The following ZNF385D variants were observed in gnomAD, a reference collection of about 807,000 sequenced individuals.
ZNF385D encodes zinc finger protein 385D.
Under a neutral mutation model 35.8 loss-of-function variants are expected in ZNF385D, and 15 were observed. The ratio of observed to expected loss-of-function variants is 0.42; its 90% CI spans 0.28 to 0.64. ZNF385D has a LOEUF of 0.64. ZNF385D is among the 30% of genes least tolerant of loss of function. ZNF385D has a pLI of 0.23. For missense variants in ZNF385D, 474 were observed against 494.6 expected, an observed-to-expected ratio of 0.96 and a Z score of 0.39; for synonymous variants, 212 against 186.8, an observed-to-expected ratio of 1.13 and a Z score of -1.10.
intron 3 of ZNF385D, among the ~76,000 whole-genome samples, chr3:22,059,867 AT>A (rs1175552943): frequency 6.6e-6 from 1 of 152,176 alleles, no homozygotes; most frequent in Non-Finnish European, 1.5e-5. Context: ...GAAGATTAGC[AT>A]TTGACTCAGT....
At chr3:21,505,190 T>G (rs923035602) in intron 4 of ZNF385D, among the ~76,000 whole-genome samples, 25 of 152,136 alleles carry the variant, frequency 1.6e-4, no homozygotes, top group African/African-American at 4.6e-4. Flanking sequence ...ATTTGTTTGT[T>G]TGTTTTTTGA....
chr3:22,279,825 T>C (rs952327167), intron 2 of ZNF385D, among the ~76,000 whole-genome samples: 2 of 151,992 alleles, frequency 1.3e-5, no homozygotes, highest in African/African-American at 2.4e-5. Context: ...CTGGATCAAA[T>C]GGCAGATCTA....
At chr3:21,803,209 G>C (rs542481687) in intron 3 of ZNF385D, among the ~76,000 whole-genome samples, 1 of 152,146 alleles carries the variant, frequency 6.6e-6, no homozygotes, top group Non-Finnish European at 1.5e-5. Context: ...ATCACAGAGA[G>C]TGGCAGGTAT....
chr3:21,594,091 C>G (rs1161632960), intron 2 of ZNF385D, among the ~76,000 whole-genome samples: 1 of 152,188 alleles, frequency 6.6e-6, no homozygotes, highest in Non-Finnish European at 1.5e-5. Flanking sequence ...AGGCAAGAAG[C>G]AACTCTAGCA....
At chr3:22,277,912 A>G (rs1559494323) in intron 2 of ZNF385D, among the ~76,000 whole-genome samples, 1 of 152,076 alleles carries the variant, frequency 6.6e-6, no homozygotes, top group Non-Finnish European at 1.5e-5. Context: ...TTGTGGATAA[A>G]GTACCAAAAA....
At position 21,631,296 on chromosome 3, in the gene ZNF385D, A is replaced by G. The variant is rs533009858; in HGVS notation, c.165+33590T>C. On this transcript the variant is annotated intron_variant, in intron 2 of 7. Transcript: ENST00000281523. ...TTCTCCTCTCCTACCCTTCCAAGGC[A>G]TGTCAACCCTAAACTACCTTATAGC... Among the ~76,000 whole-genome samples the G allele has an allele frequency of 2.0e-5, 3 of 152,140 alleles. No individual in the cohort carries two copies. In the South Asian group the frequency reaches 6.2e-4, roughly 32 times the overall value.
chr3:22,360,863 G>A (rs542616547), intron 2 of ZNF385D, among the ~76,000 whole-genome samples: 27 of 152,076 alleles, frequency 1.8e-4, no homozygotes, highest in East Asian at 3.9e-4. Context: ...TAATCGGGGC[G>A]ATCACTCAGT....
chr3:22,353,135 C>T (rs1359053075), intron 2 of ZNF385D, among the ~76,000 whole-genome samples: 2 of 152,200 alleles, frequency 1.3e-5, no homozygotes, highest in South Asian at 2.1e-4. Context: ...CCACCTCAAG[C>T]AAATTTCTGG....
chr3:22,213,945 C>G lies in ZNF385D; in HGVS notation c.107-44910G>C, dbSNP rs1697689198. ...AGCAATAAAATTTAGTTTATTGAGT[C>G]AGAATTTCCAATTAGTAAAGACCTA... On this transcript the variant is annotated intron_variant, in intron 2 of 5. Coordinates refer to the ZNF385D transcript ENST00000494108. Among the ~76,000 whole-genome samples, 6 of 152,122 alleles carry G rather than the reference C, an allele frequency of 3.9e-5. No homozygotes were observed. The South Asian group carries it at 1.2e-3, about 32-fold the overall frequency.
chr3:22,127,638 C>T (rs115108968), intron 3 of ZNF385D, among the ~76,000 whole-genome samples: 3,511 of 152,056 alleles, frequency 0.023, 73 homozygotes, highest in Non-Finnish European at 0.031. Flanking sequence ...CCGTGCCTGG[C>T]CCTAAATGTT....
Position 22,056,274 on chromosome 3 carries a change from TAAAAAAAAAAAAAAAAA to T in ZNF385D, c.325+112526_325+112542del, listed in dbSNP as rs1180609438. ...ATGTACCCTAAAACTTAGAGTATAATAAAAAAAAAAAAAAAAAAAAAAAAAAAAAAAAAATTCAATGT... is the reference window on the plus strand; with the variant it reads ...ATGTACCCTAAAACTTAGAGTATAATAAAAAAAAAAAAAAAAATTCAATGT... On this transcript the variant is annotated intron_variant, in intron 3 of 5. Coordinates refer to the ZNF385D transcript ENST00000494108. 3.1e-5 allele frequency among the ~76,000 whole-genome samples: 2 copies of T among 64,800 alleles called. 1 individual carries two copies. Among genetic ancestry groups the T allele is most frequent in the Non-Finnish European group, 6.8e-5 (2 of 29,526 alleles). 42.5% of individuals were successfully genotyped at this position (64,800 alleles called of 152,430 possible).
intron 3 of ZNF385D, among the ~76,000 whole-genome samples, chr3:21,814,167 A>C (rs898029553): frequency 2.0e-5 from 3 of 152,222 alleles, no homozygotes; most frequent in Non-Finnish European, 2.9e-5. Context: ...TTTGTCACCA[A>C]CAGGCCTGTC....
At chr3:21,838,001 G>C (rs955782676) in intron 3 of ZNF385D, among the ~76,000 whole-genome samples, 3 of 152,044 alleles carry the variant, frequency 2.0e-5, no homozygotes, top group Non-Finnish European at 4.4e-5. Flanking sequence ...ACTTCTCTCA[G>C]GGTTTGTGGA....
At chr3:21,445,383 C>G (rs1702092767) in intron 4 of ZNF385D, among the ~76,000 whole-genome samples, 1 of 152,182 alleles carries the variant, frequency 6.6e-6, no homozygotes, top group South Asian at 2.1e-4. Context: ...CCTCAGAATA[C>G]AAGCTCTCTA....
chr3:21,908,205 A>G (rs1229419876), intron 3 of ZNF385D, among the ~76,000 whole-genome samples: 1 of 151,226 alleles, frequency 6.6e-6, no homozygotes, highest in Non-Finnish European at 1.5e-5. Context: ...GAACAGGAAA[A>G]GAAAGATGAG....
chr3:21,445,116 A>G (rs1198353414), intron 4 of ZNF385D, among the ~76,000 whole-genome samples: 1 of 152,222 alleles, frequency 6.6e-6, no homozygotes, highest in African/African-American at 2.4e-5. Flanking sequence ...GACCTACTTT[A>G]TATCTTCAAC....
intron 4 of ZNF385D, among the ~76,000 whole-genome samples, chr3:21,439,154 T>C (rs1701730466): frequency 6.6e-6 from 1 of 152,024 alleles, no homozygotes. Flanking sequence ...ATAAATTGTA[T>C]GTATTTATAA....
intron 3 of ZNF385D, among the ~76,000 whole-genome samples, chr3:21,987,882 T>C (rs1694903987): frequency 7.1e-6 from 1 of 141,702 alleles, no homozygotes; most frequent in Admixed American, 6.8e-5. Flanking sequence ...TTATTCTTTT[T>C]TCTCTAAACT....
chr3:22,063,397 C>T (rs189497390), intron 3 of ZNF385D, among the ~76,000 whole-genome samples: 1 of 151,734 alleles, frequency 6.6e-6, no homozygotes, highest in East Asian at 1.9e-4. Context: ...CTCAGAGTTA[C>T]AGAGAGCCTA....
Sources: allele counts gnomAD v4.1 joint callset (sites outside exome capture counted in the v4.1 genomes callset), GRCh38; gene constraint gnomAD v4.1.1; transcripts MANE v1.5; gene names NCBI Gene and HGNC (gene_info 2026-07-23, HGNC 2026-07-21).